Variants in NCOA1 observed in about 807,000 individuals in gnomAD.
NCOA1 encodes the protein nuclear receptor coactivator 1.
A neutral mutation model predicts 150.9 loss-of-function variants in NCOA1; 35 were observed. The ratio of observed to expected loss-of-function variants is 0.23; its 90% CI spans 0.18 to 0.31. The LOEUF (loss-of-function observed/expected upper bound fraction) is 0.31. NCOA1 is among the 10% of genes least tolerant of loss of function. NCOA1 has a pLI of 1.00. For missense variants in NCOA1, 1,491 were observed against 1,749.3 expected, an observed-to-expected ratio of 0.85 and a Z score of 2.63; for synonymous variants, 590 against 630.0, an observed-to-expected ratio of 0.94 and a Z score of 0.95.
At chr2:24,767,508 G>T (rs550233720) in intron 22 of NCOA1, among the ~76,000 whole-genome samples, 164 of 152,294 alleles carry the variant, frequency 1.1e-3, no homozygotes, top group African/African-American at 3.8e-3. Flanking sequence ...AGGAATAAGT[G>T]TATTATTACT....
At chr2:24,574,611 CTCCTT>C (rs2148289089) in intron 2 of NCOA1, among the ~76,000 whole-genome samples, 1 of 152,164 alleles carries the variant, frequency 6.6e-6, no homozygotes, top group South Asian at 2.1e-4. Flanking sequence ...TGCTGGCACT[CTCCTT>C]TGTGTAGATC....
chr2:24,499,414 C>T (rs550720682), intron 1 of NCOA1, among the ~76,000 whole-genome samples: 3 of 152,290 alleles, frequency 2.0e-5, no homozygotes, highest in African/African-American at 7.2e-5. Context: ...CAACATTCCT[C>T]CAGCATTGTT....
Position 24,584,577 on chromosome 2 carries a change from C to T in NCOA1, c.-175+17C>T, listed in dbSNP as rs1032774197. 1 of 152,304 alleles carries T rather than the reference C, an allele frequency of 6.6e-6. No individual in the cohort carries two copies. Among genetic ancestry groups the T allele is most frequent in the Non-Finnish European group, 1.5e-5 (1 of 68,018 alleles). The allele number at this position is 152,304 out of a possible 1,614,324, so 9.4% of individuals were successfully genotyped here. A position where few individuals can be genotyped will look rare whatever the true frequency, so the allele number is the denominator to read the frequency against. On this transcript the variant is annotated intron_variant, in intron 3 of 22. Coordinates refer to ENST00000348332, the MANE Select transcript of NCOA1 (RefSeq NM_003743.5). The stretch of plus-strand genomic sequence containing the variant: ...ATTAACAGGGTAAGTTGAATATCAT[C>T]TTAAATACTATCTGGATTTTTATAG...
chr2:24,514,929 A>G (rs1664102948), intron 1 of NCOA1, among the ~76,000 whole-genome samples: 1 of 152,224 alleles, frequency 6.6e-6, no homozygotes, highest in Admixed American at 6.5e-5. Context: ...ATAAAGTTAC[A>G]TTAGTTATCC....
intron 3 of NCOA1, among the ~76,000 whole-genome samples, chr2:24,631,729 G>A (rs1449638258): frequency 1.3e-5 from 2 of 152,258 alleles, no homozygotes; most frequent in East Asian, 3.9e-4. Flanking sequence ...ACAATCAATG[G>A]TGTCAGCTTG....
chr2:24,710,614 C>T (rs1373326201), intron 13 of NCOA1, among the ~76,000 whole-genome samples: 1 of 152,098 alleles, frequency 6.6e-6, no homozygotes, highest in Non-Finnish European at 1.5e-5. Context: ...TAACACAGTA[C>T]TACTGACACT....
intron 2 of NCOA1, among the ~76,000 whole-genome samples, chr2:24,576,620 C>T (rs549821425): frequency 2.4e-4 from 37 of 152,316 alleles, no homozygotes; most frequent in African/African-American, 8.9e-4. Flanking sequence ...ATCTCTGTTA[C>T]TCCATCATGG....
intron 14 of NCOA1, among the ~76,000 whole-genome samples, chr2:24,723,715 A>G (rs747026214): frequency 7.9e-5 from 12 of 152,210 alleles, no homozygotes; most frequent in African/African-American, 2.2e-4. Flanking sequence ...TTCTCTACCT[A>G]TTGTCTTACT....
intron 6 of NCOA1, among the ~76,000 whole-genome samples, chr2:24,669,520 C>T (rs957147649): frequency 2.0e-5 from 3 of 152,216 alleles, no homozygotes; most frequent in South Asian, 2.1e-4. Context: ...ATATTTTGCA[C>T]GTCACACAAA....
chr2:24,533,871 C>T (rs542401089), intron 1 of NCOA1, among the ~76,000 whole-genome samples: 14 of 152,228 alleles, frequency 9.2e-5, no homozygotes, highest in African/African-American at 3.1e-4. Context: ...ATTTTCACAT[C>T]GTTGTTCATC....
intron 1 of NCOA1, among the ~76,000 whole-genome samples, chr2:24,508,358 G>A (rs1395282748): frequency 6.6e-6 from 1 of 151,946 alleles, no homozygotes; most frequent in Non-Finnish European, 1.5e-5. Flanking sequence ...TATAGCATAG[G>A]CAGAGTAAAG....
intron 1 of NCOA1, among the ~76,000 whole-genome samples, chr2:24,540,297 C>T (rs1172523210): frequency 5.9e-5 from 9 of 152,080 alleles, no homozygotes; most frequent in Admixed American, 5.9e-4. Context: ...TTTATTATAT[C>T]CTTAACAAAA....
intron 7 of NCOA1, among the ~76,000 whole-genome samples, chr2:24,677,811 A>G (rs1258287612): frequency 6.6e-6 from 1 of 152,172 alleles, no homozygotes; most frequent in African/African-American, 2.4e-5. Context: ...AGGAGAAGCA[A>G]GTATGTTCTT....
At chr2:24,556,362 G>C (rs1307770887) in intron 1 of NCOA1, among the ~76,000 whole-genome samples, 1 of 152,188 alleles carries the variant, frequency 6.6e-6, no homozygotes, top group African/African-American at 2.4e-5. Flanking sequence ...ATTCCATGGT[G>C]TATATGTACC....
At chr2:24,534,279 C>T (rs1287976865) in intron 1 of NCOA1, among the ~76,000 whole-genome samples, 15 of 152,094 alleles carry the variant, frequency 9.9e-5, no homozygotes, top group Non-Finnish European at 1.5e-4. Context: ...TCTGTGGGAT[C>T]GGTGGTGATA....
chr2:24,697,087 A>G (rs1464221482), intron 10 of NCOA1, among the ~76,000 whole-genome samples: 1 of 152,118 alleles, frequency 6.6e-6, no homozygotes, highest in African/African-American at 2.4e-5. Flanking sequence ...TATAAAGCGT[A>G]TGTTCCGTGT....
chr2:24,727,767 C>A (rs1662771737), intron 15 of NCOA1, among the ~76,000 whole-genome samples: 1 of 152,110 alleles, frequency 6.6e-6, no homozygotes, highest in Non-Finnish European at 1.5e-5. Context: ...TTGCTTAATA[C>A]CTAGCATATT....
Position 24,769,115 on chromosome 2 carries a change from G to A in NCOA1, c.*724G>A. 1 of 210,086 alleles carries A rather than the reference G, an allele frequency of 4.8e-6. No individual in the cohort carries two copies. The highest frequency in any genetic ancestry group is 9.7e-6 in the Non-Finnish European group (1 of 103,208). The allele number at this position is 210,086 out of a possible 1,614,324, so 13.0% of individuals were successfully genotyped here. ...GGGTGAAGGACAAGAAGTGAGTTGT[G>A]TCAATTATTGTAGATACAATTTTCT... On this transcript the variant is annotated 3_prime_UTR_variant, in exon 23 of 23. Transcript: ENST00000348332.
intron 20 of NCOA1, among the ~76,000 whole-genome samples, chr2:24,757,596 T>G (rs193196312): frequency 1.2e-3 from 180 of 151,764 alleles, no homozygotes; most frequent in Non-Finnish European, 2.0e-3. Flanking sequence ...TTATTGAAGA[T>G]ATATATATAT....
Sources: allele counts gnomAD v4.1 joint callset (sites outside exome capture counted in the v4.1 genomes callset), GRCh38; gene constraint gnomAD v4.1.1; transcripts MANE v1.5; gene names NCBI Gene and HGNC (gene_info 2026-07-23, HGNC 2026-07-21).